PACS2: variants seen among roughly 807,000 people sequenced by gnomAD.
PACS2 encodes phosphofurin acidic cluster sorting protein 2.
PACS2 carries 36 observed loss-of-function variants against 113.0 expected under a neutral mutation model. That is an observed-to-expected ratio of 0.32 (90% CI 0.24 to 0.42). The LOEUF (loss-of-function observed/expected upper bound fraction) is 0.42, where lower values mean the gene tolerates loss of function less well. PACS2 is among the 10% of genes least tolerant of loss of function. The pLI is 1.00. For synonymous variants in PACS2, 589 were observed against 536.1 expected (o/e 1.10, Z -1.36); for missense variants, 1,015 against 1,239.5 (o/e 0.82, Z 2.72).
chr14:105,374,900 G>C (rs1180941678), intron 8 of PACS2: 1 of 152,242 alleles, frequency 6.6e-6, no homozygotes, highest in Non-Finnish European at 1.5e-5. Flanking sequence ...GTCCATCCTG[G>C]ATTGTGAGGC....
At chr14:105,374,818 C>G (rs2061288744) in intron 8 of PACS2, 1 of 152,232 alleles carries the variant, frequency 6.6e-6, no homozygotes, top group African/African-American at 2.4e-5. Context: ...AGAAACACAC[C>G]TTGTGGTGAA....
intron 19 of PACS2, among the ~76,000 whole-genome samples, chr14:105,387,544 T>G (rs1187504005): frequency 1.3e-5 from 2 of 152,228 alleles, no homozygotes; most frequent in Admixed American, 1.3e-4. Context: ...CACAGACATG[T>G]GTGTGCCTCC....
intron 2 of PACS2, among the ~76,000 whole-genome samples, chr14:105,350,628 TG>T (rs1434230677): frequency 6.6e-6 from 1 of 151,992 alleles, no homozygotes; most frequent in Non-Finnish European, 1.5e-5. Flanking sequence ...AGGCCCCCTG[TG>T]GGGGAAGCAG....
chr14:105,309,688 C>T (rs1036474875), upstream of PACS2, among the ~76,000 whole-genome samples: 6 of 150,024 alleles, frequency 4.0e-5, no homozygotes, highest in Non-Finnish European at 5.9e-5. The surrounding 1 kb of genome is among the most constrained non-coding windows in gnomAD (Gnocchi z 4.0). Context: ...AGGGGAGCAG[C>T]GTGCAGGACA....
Position 105,355,005 on chromosome 14 carries a change from T to C in PACS2, c.298-47T>C. ...GGCCGTCAGAGGCCGTGATGCTGCC[T>C]GGGGCCCCGGTGCACCCTCAGCTGC... On this transcript the variant is annotated intron_variant, in intron 3 of 24. Transcript: ENST00000447393. The surrounding 1 kb of genome is among the most constrained non-coding windows in gnomAD (Gnocchi z 4.1). 1.2e-6 allele frequency: 2 copies of C among 1,600,222 alleles called. No individual in the cohort carries two copies. The highest frequency in any genetic ancestry group is 1.7e-6 in the Non-Finnish European group (2 of 1,173,406).
rs185057150 is a variant in PACS2 at position 105,300,837 on chromosome 14, G to C, written c.-225G>C. On this transcript the variant is annotated 5_prime_UTR_variant, in exon 1 of 24. Coordinates refer to the PACS2 transcript ENST00000430725. ...ACGGCCGCGCCCGCGGGATGGGACAGGCACCGGGACCACGGCGGGGACGCG... is the reference window on the plus strand; with the variant it reads ...ACGGCCGCGCCCGCGGGATGGGACACGCACCGGGACCACGGCGGGGACGCG... 0.032 allele frequency: 6,031 copies of C among 187,144 alleles called. 156 individuals are homozygous for C. The highest frequency in any genetic ancestry group is 0.071 in the African/African-American group (2,987 of 42,236). The allele number at this position is 187,144 out of a possible 1,614,324, so 11.6% of individuals were successfully genotyped here. A position where few individuals can be genotyped will look rare whatever the true frequency, so the allele number is the denominator to read the frequency against.
intron 7 of PACS2, among the ~76,000 whole-genome samples, chr14:105,369,306 G>A (rs942463122): frequency 9.2e-5 from 14 of 152,354 alleles, no homozygotes; most frequent in Middle Eastern, 3.4e-3. Flanking sequence ...GGGCCCCCTT[G>A]GGCCCAACTG....
In PACS2 at chr14:105,369,805, G is replaced by A. The variant is rs587703031; in HGVS notation, c.742-36G>A. 1.8e-5 allele frequency: 27 copies of A among 1,527,056 alleles called. No homozygotes were observed. In the African/African-American group the frequency reaches 3.4e-4, roughly 19 times the overall value. 94.6% of individuals were successfully genotyped at this position (1,527,056 alleles called of 1,614,324 possible). A position where few individuals can be genotyped will look rare whatever the true frequency, so the allele number is the denominator to read the frequency against. ...GCTCCAGCGGCGGGTCTGCAGCTCT[G>A]GCGGCGGCTCTGACTCTGCACCGCC... On this transcript the variant is annotated intron_variant, in intron 7 of 24. Transcript: ENST00000447393.
At chr14:105,369,135 C>G (rs782491460) in intron 7 of PACS2, among the ~76,000 whole-genome samples, 85 of 152,352 alleles carry the variant, frequency 5.6e-4, no homozygotes, top group South Asian at 1.4e-3. Flanking sequence ...TGGGCACAGC[C>G]CAGCCCGGAC....
At chr14:105,311,713 T>C (rs2058353365), upstream of PACS2, among the ~76,000 whole-genome samples, 2 of 152,228 alleles carry the variant, frequency 1.3e-5, no homozygotes, top group African/African-American at 2.4e-5. Flanking sequence ...CCGTGGGAAC[T>C]GTCCACAGGT....
intron 1 of PACS2, among the ~76,000 whole-genome samples, chr14:105,341,575 AGT>A (rs1346737366): frequency 6.6e-6 from 1 of 152,206 alleles, no homozygotes; most frequent in Non-Finnish European, 1.5e-5. Flanking sequence ...CTCAGGGCCA[AGT>A]GTGGTGCACC....
upstream of PACS2, among the ~76,000 whole-genome samples, chr14:105,310,327 A>G (rs952177692): frequency 7.9e-5 from 12 of 151,200 alleles, no homozygotes; most frequent in African/African-American, 1.7e-4. Flanking sequence ...TCAGGAGATC[A>G]AGACCATCCT....
chr14:105,395,530 C>G lies in PACS2; in HGVS notation c.*858C>G, dbSNP rs1392992888. ...TGAGGTGGGGGCCACTTCCTCCACC[C>G]CAGTGGGTATGTCTGAGGTCAGCCA... On this transcript the variant is annotated 3_prime_UTR_variant, in exon 25 of 25. Transcript: ENST00000447393. 1 of 152,288 alleles carries G rather than the reference C, an allele frequency of 6.6e-6. No individual in the cohort carries two copies. Among genetic ancestry groups the G allele is most frequent in the Non-Finnish European group, 1.5e-5 (1 of 68,102 alleles). 9.4% of individuals were successfully genotyped at this position (152,288 alleles called of 1,614,324 possible).
At chr14:105,325,753 A>C (rs587708982) in intron 1 of PACS2, among the ~76,000 whole-genome samples, 1 of 152,360 alleles carries the variant, frequency 6.6e-6, no homozygotes, top group African/African-American at 2.4e-5. Context: ...GCAGACCTGC[A>C]GATGCACATC....
rs1271133504 is a variant in PACS2, at chr14:105,315,280, C to T, written c.119+243C>T. 1 of 160,862 alleles carries T rather than the reference C, an allele frequency of 6.2e-6. No individual in the cohort carries two copies. Among genetic ancestry groups the T allele is most frequent in the African/African-American group, 2.4e-5 (1 of 41,598 alleles). 10.0% of individuals were successfully genotyped at this position (160,862 alleles called of 1,614,324 possible). On this transcript the variant is annotated intron_variant, in intron 1 of 24. Coordinates refer to ENST00000447393, the MANE Select transcript of PACS2 (RefSeq NM_001100913.3). This position sits in a 1 kb window ranked among gnomAD's most constrained non-coding sequence, Gnocchi z 4.4. ...CTCAGCTTCCGAGGACCCGGTGCTG[C>T]TCAGACCCGGCGGGACCTTGGGGCT...
chr14:105,385,211 G>T (rs1313599175), intron 18 of PACS2, among the ~76,000 whole-genome samples: 2 of 152,238 alleles, frequency 1.3e-5, no homozygotes, highest in African/African-American at 4.8e-5. Context: ...ACCTGTTTCT[G>T]TGCATGTTGA....
chr14:105,379,914 G>T, intron 10 of PACS2, 85 bp downstream of exon 10: 1 of 1,429,500 alleles, frequency 7.0e-7, no homozygotes, highest in Non-Finnish European at 9.8e-7. Flanking sequence ...CATGTCCTGG[G>T]CCCAGGGCCC....
At chr14:105,383,614 G>A in intron 16 of PACS2, 101 bp downstream of exon 16, 1 of 1,174,644 alleles carries the variant, frequency 8.5e-7, no homozygotes, top group Non-Finnish European at 1.2e-6. Flanking sequence ...GTGTGGCGTG[G>A]CGTGGCGCGG....
chr14:105,308,531 G>A (rs2058258319), intron 1 of PACS2, among the ~76,000 whole-genome samples: 1 of 145,672 alleles, frequency 6.9e-6, no homozygotes, highest in South Asian at 2.2e-4. Context: ...CGTCCGGGCT[G>A]GAGTGCAGTG....
Sources: allele counts gnomAD v4.1 joint callset (sites outside exome capture counted in the v4.1 genomes callset), GRCh38; gene constraint gnomAD v4.1.1; non-coding constraint Gnocchi (gnomAD v3.1); transcripts MANE v1.5; gene names NCBI Gene and HGNC (gene_info 2026-07-23, HGNC 2026-07-21).